SHPRH: variants seen among roughly 807,000 people sequenced by gnomAD.
The protein encoded by SHPRH is SNF2 histone linker PHD RING helicase.
Under a neutral mutation model 202.5 loss-of-function variants are expected in SHPRH, and 106 were observed. That is an observed-to-expected ratio of 0.52 (90% CI 0.45 to 0.62). SHPRH has a LOEUF of 0.62. Ranked by LOEUF, SHPRH falls within the 20% of genes least tolerant of loss-of-function variation. The probability of loss-of-function intolerance (pLI) is 0.00; values close to 1 mark genes in which losing one functional copy is unlikely to be tolerated. For synonymous variants in SHPRH, 729 were observed against 686.0 expected (o/e 1.06, Z -0.98); for missense variants, 1,710 against 2,020.0 (o/e 0.85, Z 2.94).
chr6:145,949,158 T>C (rs909919073), intron 4 of SHPRH, among the ~76,000 whole-genome samples: 1 of 152,054 alleles, frequency 6.6e-6, no homozygotes, highest in Non-Finnish European at 1.5e-5. Context: ...AGTATGGAGA[T>C]TTCTCAAAGA....
chr6:145,906,927 A>C (rs1783015562), intron 25 of SHPRH: 1 of 152,274 alleles, frequency 6.6e-6, no homozygotes, highest in South Asian at 2.1e-4. Context: ...CTTTGTTGCC[A>C]GCGTACCTGC....
intron 6 of SHPRH, among the ~76,000 whole-genome samples, chr6:145,947,031 G>T (rs1298475847): frequency 1.3e-5 from 2 of 151,992 alleles, no homozygotes. Context: ...TTGGGACAAG[G>T]ACTTGAAGTT....
At chr6:145,882,335 T>C (rs1435293267), downstream of SHPRH, among the ~76,000 whole-genome samples, 1 of 152,054 alleles carries the variant, frequency 6.6e-6, no homozygotes, top group Non-Finnish European at 1.5e-5. Flanking sequence ...TGGCAGAAAA[T>C]CTGGGAAGGC....
intron 25 of SHPRH, chr6:145,904,833 T>A (rs1782811333): frequency 6.6e-6 from 1 of 152,118 alleles, no homozygotes; most frequent in Non-Finnish European, 1.5e-5. Flanking sequence ...TTTTAAAAGA[T>A]GCTTCAGTTA....
chr6:145,867,627 TATATAG>T (rs1164029224), intron 2 of SHPRH, among the ~76,000 whole-genome samples: 1,088 of 53,574 alleles, frequency 0.02, 7 homozygotes, highest in Non-Finnish European at 0.025. Context: ...TATATATATA[TATATAG>T]AGAGAGAGAG....
chr6:145,877,304 G>T (rs1331755576), intron 2 of SHPRH, among the ~76,000 whole-genome samples: 1 of 152,128 alleles, frequency 6.6e-6, no homozygotes, highest in Non-Finnish European at 1.5e-5. Flanking sequence ...CCAATTTTCT[G>T]TATCCTTAAC....
intron 1 of SHPRH, among the ~76,000 whole-genome samples, chr6:145,961,296 T>C (rs1204635990): frequency 6.6e-6 from 1 of 152,202 alleles, no homozygotes; most frequent in Non-Finnish European, 1.5e-5. Flanking sequence ...CAGAATGTCT[T>C]GGAGAAGGGC....
At chr6:145,942,838 T>C (rs1786939114) in intron 9 of SHPRH, among the ~76,000 whole-genome samples, 1 of 152,222 alleles carries the variant, frequency 6.6e-6, no homozygotes, top group South Asian at 2.1e-4. Flanking sequence ...ATTGCATTTC[T>C]CTCTGAAGAC....
intron 25 of SHPRH, chr6:145,908,021 T>A (rs1783132079): frequency 6.6e-6 from 1 of 152,098 alleles, no homozygotes; most frequent in African/African-American, 2.4e-5. Context: ...ATGTGGTGGT[T>A]TTTTGTTCCT....
chr6:145,889,161 C>A (rs1781371184), intron 28 of SHPRH, among the ~76,000 whole-genome samples: 1 of 152,102 alleles, frequency 6.6e-6, no homozygotes, highest in African/African-American at 2.4e-5. Context: ...GGGGGATATA[C>A]ACCTGAGAGT....
In SHPRH at chr6:145,950,462, C is replaced by T; in HGVS notation, c.784G>A (p.Asp262Asn). The change falls in exon 4 of 30, where the codon GAT becomes AAT. Residue 262 changes from aspartate (D) to asparagine (N), a missense_variant. Asp to Asn is a conservative substitution (Grantham distance 23). Transcript: ENST00000275233. ...CCCTCTGGCTCACTCTCCGGATCATCTTCATCCTCTTCCAACACATCTGTA... is the reference window on the plus strand; with the variant it reads ...CCCTCTGGCTCACTCTCCGGATCATTTTCATCCTCTTCCAACACATCTGTA... Reference protein sequence around the residue: ...IIPDVLEEDEDDPESEPEGQD... With the variant: ...IIPDVLEEDENDPESEPEGQD... 1 of 1,612,902 alleles carries T rather than the reference C, an allele frequency of 6.2e-7. No individual in the cohort carries two copies. The highest frequency in any genetic ancestry group is 8.5e-7 in the Non-Finnish European group (1 of 1,179,226).
At chr6:145,956,806 A>C (rs1788556027) in intron 1 of SHPRH, among the ~76,000 whole-genome samples, 1 of 152,108 alleles carries the variant, frequency 6.6e-6, no homozygotes, top group African/African-American at 2.4e-5. Context: ...GAAGACTCAA[A>C]ATGTTCAGAT....
chr6:145,945,494 A>T lies in SHPRH; in HGVS notation c.1465T>A (p.Cys489Ser). The change falls in exon 8 of 30, where the codon TGT becomes AGT. Residue 489 changes from cysteine to serine, a missense_variant. This residue lies in a region of SHPRH where 348 missense variants were observed against 356.9 expected (regional missense o/e 0.97). Transcript: ENST00000275233. Reference protein sequence around the residue: ...NRSLLKRMLKCLIFEGLVKQI... With the variant: ...NRSLLKRMLKSLIFEGLVKQI... ...TTCACGAGACCTTCAAAAATTAAAC[A>T]TTTCAGCATCCGTTTCAAAAGACTC... is the stretch of plus-strand genomic sequence containing the variant. 6.2e-7 allele frequency: 1 copy of T among 1,613,336 alleles called. No homozygotes were observed. Among genetic ancestry groups the T allele is most frequent in the Non-Finnish European group, 8.5e-7 (1 of 1,179,592 alleles).
chr6:145,904,651 G>A (rs1360748718), intron 25 of SHPRH: 1 of 152,254 alleles, frequency 6.6e-6, no homozygotes, highest in East Asian at 1.9e-4. Context: ...AGAAAAAGCA[G>A]TGAAGAGCCA....
intron 11 of SHPRH, among the ~76,000 whole-genome samples, chr6:145,936,812 C>G (rs941965627): frequency 1.3e-5 from 2 of 152,078 alleles, no homozygotes; most frequent in African/African-American, 4.8e-5. Flanking sequence ...TTAGCAACAT[C>G]TGAAAGAACC....
chr6:145,950,155 T>A (rs1787826816), intron 4 of SHPRH, 109 bp downstream of exon 4: 1 of 830,878 alleles, frequency 1.2e-6, no homozygotes, highest in Middle Eastern at 2.7e-4. Context: ...ACCCATTCTA[T>A]CTTATATTTT....
intron 21 of SHPRH, 29 bp from the exon 22 acceptor site, chr6:145,919,520 G>A (rs768414813): frequency 3.1e-6 from 5 of 1,605,968 alleles, no homozygotes; most frequent in Non-Finnish European, 4.3e-6. Context: ...CAAACACAGT[G>A]GTAAAGCATG....
intron 2 of SHPRH, among the ~76,000 whole-genome samples, chr6:145,876,160 C>T (rs1383348476): frequency 6.6e-6 from 1 of 152,158 alleles, no homozygotes; most frequent in Non-Finnish European, 1.5e-5. Flanking sequence ...AGCAGTCACT[C>T]CAGTTCCTCT....
chr6:145,887,979 G>GA (rs778753337), intron 29 of SHPRH, 41 bp downstream of exon 29: 12 of 1,460,800 alleles, frequency 8.2e-6, no homozygotes, highest in Non-Finnish European at 1.1e-5. Context: ...CTTTTAACAG[G>GA]AAAACCTTCC....
Sources: allele counts gnomAD v4.1 joint callset (sites outside exome capture counted in the v4.1 genomes callset), GRCh38; gene constraint gnomAD v4.1.1; regional missense constraint gnomAD v4.1.1; transcripts MANE v1.5; gene names NCBI Gene and HGNC (gene_info 2026-07-23, HGNC 2026-07-21).